Variants in VPS50 observed in about 807,000 individuals in gnomAD.
VPS50 encodes syndetin.
VPS50 carries 70 observed loss-of-function variants against 139.7 expected under a neutral mutation model. That is an observed-to-expected ratio of 0.50 (90% CI 0.41 to 0.61). The LOEUF is 0.61. Among genes scored for constraint, VPS50 ranks in the 20% least tolerant of loss-of-function variants. The probability of loss-of-function intolerance (pLI) is 0.00; values close to 1 mark genes in which losing one functional copy is unlikely to be tolerated. For synonymous variants in VPS50, 365 were observed against 376.7 expected (o/e 0.97, Z 0.36); for missense variants, 921 against 1,133.7 (o/e 0.81, Z 2.69).
chr7:93,297,256 A>G lies in VPS50; in HGVS notation c.1361+13A>G. On this transcript the variant is annotated intron_variant, in intron 16 of 27. Transcript: ENST00000305866. ...AGAATTACCATAGGTAAGAACTCTAATAAGATATGAATCGACTTATTTAGG... is the reference window on the plus strand; with the variant it reads ...AGAATTACCATAGGTAAGAACTCTAGTAAGATATGAATCGACTTATTTAGG... 4 of 1,528,232 alleles carry G rather than the reference A, an allele frequency of 2.6e-6. No individual in the cohort carries two copies. The highest frequency in any genetic ancestry group is 3.5e-6 in the Non-Finnish European group (4 of 1,151,018). 94.7% of individuals were successfully genotyped at this position (1,528,232 alleles called of 1,614,324 possible). A position where few individuals can be genotyped will look rare whatever the true frequency, so the allele number is the denominator to read the frequency against.
chr7:93,330,981 TAATC>T (rs951344190), intron 21 of VPS50, among the ~76,000 whole-genome samples: 20 of 121,652 alleles, frequency 1.6e-4, no homozygotes, highest in African/African-American at 7.3e-4. Context: ...AAATCAATAA[TAATC>T]AAGTTTGAAA....
intron 2 of VPS50, among the ~76,000 whole-genome samples, chr7:93,249,506 T>G (rs1795255915): frequency 6.6e-6 from 1 of 152,192 alleles, no homozygotes; most frequent in Admixed American, 6.5e-5. Context: ...TTGACATTTA[T>G]GCTTTTAAGA....
chr7:93,342,220 G>A (rs564720938), intron 23 of VPS50, among the ~76,000 whole-genome samples: 131 of 152,300 alleles, frequency 8.6e-4, no homozygotes, highest in African/African-American at 2.8e-3. Context: ...GGTGACAGAC[G>A]GCACCTGCAA....
At chr7:93,299,905 A>G (rs1460456503) in intron 16 of VPS50, among the ~76,000 whole-genome samples, 1 of 152,180 alleles carries the variant, frequency 6.6e-6, no homozygotes, top group African/African-American at 2.4e-5. Context: ...AACAATAATG[A>G]CATAAAAATT....
chr7:93,351,277 T>A (rs1186444878), intron 25 of VPS50, among the ~76,000 whole-genome samples: 1 of 152,152 alleles, frequency 6.6e-6, no homozygotes, highest in Non-Finnish European at 1.5e-5. Flanking sequence ...AATAACTTGG[T>A]TTCTAGAGCA....
chr7:93,300,483 T>C (rs57569157), intron 16 of VPS50, among the ~76,000 whole-genome samples: 8,510 of 152,134 alleles, frequency 0.056, 466 homozygotes, highest in African/African-American at 0.14. Context: ...CAGTGATACC[T>C]AAAAAGGATA....
At chr7:93,233,494 T>A (rs1794702019) in intron 1 of VPS50, among the ~76,000 whole-genome samples, 1 of 152,216 alleles carries the variant, frequency 6.6e-6, no homozygotes, top group Non-Finnish European at 1.5e-5. Flanking sequence ...AATTCACAAT[T>A]TGAGAGATAT....
intron 1 of VPS50, among the ~76,000 whole-genome samples, chr7:93,237,605 C>T (rs1033227471): frequency 6.6e-6 from 1 of 152,152 alleles, no homozygotes; most frequent in African/African-American, 2.4e-5. Context: ...TGATATATTT[C>T]TTCAGGGATT....
At chr7:93,339,838 A>G (rs1378225409) in intron 22 of VPS50, among the ~76,000 whole-genome samples, 3 of 152,304 alleles carry the variant, frequency 2.0e-5, no homozygotes, top group South Asian at 2.1e-4. Flanking sequence ...AAAAAAGATA[A>G]TAGCATTTTT....
intron 22 of VPS50, among the ~76,000 whole-genome samples, chr7:93,335,086 C>T (rs1798035872): frequency 6.6e-6 from 1 of 152,074 alleles, no homozygotes; most frequent in Non-Finnish European, 1.5e-5. Flanking sequence ...TTGTTATATG[C>T]CAGGCATTGT....
chr7:93,312,353 T>C (rs1797293694), intron 20 of VPS50, among the ~76,000 whole-genome samples: 1 of 152,124 alleles, frequency 6.6e-6, no homozygotes, highest in African/African-American at 2.4e-5. Context: ...GAGTGCTGAG[T>C]GGTCATTGGT....
At chr7:93,256,346 T>A in intron 4 of VPS50, 163 bp from the exon 5 acceptor site, 1 of 428,040 alleles carries the variant, frequency 2.3e-6, no homozygotes, top group Non-Finnish European at 4.1e-6. Context: ...TTTACTAATT[T>A]CATAGCCCAG....
At chr7:93,338,798 A>G (rs1798134510) in intron 22 of VPS50, among the ~76,000 whole-genome samples, 1 of 152,210 alleles carries the variant, frequency 6.6e-6, no homozygotes, top group Non-Finnish European at 1.5e-5. Flanking sequence ...AGTATTGTAG[A>G]AAAATCAATC....
At chr7:93,256,618 A>C (rs1795490584) in intron 5 of VPS50, 56 bp downstream of exon 5, 2 of 862,046 alleles carry the variant, frequency 2.3e-6, no homozygotes, top group Non-Finnish European at 3.7e-6. Flanking sequence ...TGAGTGATTT[A>C]CACTTGAAAC....
intron 2 of VPS50, among the ~76,000 whole-genome samples, chr7:93,240,270 C>T (rs7804476): frequency 0.17 from 22,741 of 136,640 alleles, 2,910 homozygotes; most frequent in East Asian, 0.37. Context: ...CTCTCTCTCT[C>T]ATTGATTTAT....
intron 26 of VPS50, among the ~76,000 whole-genome samples, chr7:93,355,290 G>A (rs1016335768): frequency 2.3e-4 from 35 of 152,128 alleles, no homozygotes; most frequent in African/African-American, 7.2e-4. Flanking sequence ...TATTGTTAGG[G>A]TTTGTATATT....
At chr7:93,239,667 C>T (rs540625283) in intron 1 of VPS50, among the ~76,000 whole-genome samples, 199 bp from the exon 2 acceptor site, 123 of 152,150 alleles carry the variant, frequency 8.1e-4, no homozygotes, top group Non-Finnish European at 1.1e-3. Context: ...TTTTAAAATA[C>T]CAAAAGTACA....
Position 93,235,560 on chromosome 7 carries a change from T to A in VPS50, c.33+3060T>A, listed in dbSNP as rs78300923. 2.3e-3 allele frequency among the ~76,000 whole-genome samples: 356 copies of A among 152,206 alleles called. 2 individuals carry two copies. The highest frequency in any genetic ancestry group is 7.9e-3 in the African/African-American group (326 of 41,524). ...GTGTTGAAAGAGGTCAGACTGTGAA[T>A]ATGCTGTAAATGTAGAGGTGACAGA... On this transcript the variant is annotated intron_variant, in intron 1 of 27. Coordinates refer to ENST00000305866, the MANE Select transcript of VPS50 (RefSeq NM_017667.4).
chr7:93,281,003 A>G (rs918003217), intron 12 of VPS50, among the ~76,000 whole-genome samples: 4 of 152,132 alleles, frequency 2.6e-5, no homozygotes, highest in Non-Finnish European at 5.9e-5. Flanking sequence ...ATGTGTTTTC[A>G]TAGTGTCTGG....
Sources: gnomAD v4.1 joint callset for allele counts (sites outside exome capture counted in the v4.1 genomes callset) on GRCh38, gnomAD v4.1.1 for gene constraint, MANE v1.5 for transcripts, NCBI Gene and HGNC (gene_info 2026-07-23, HGNC 2026-07-21) for gene names.